Variants in RANBP2 observed in about 807,000 individuals in gnomAD.
The protein encoded by RANBP2 is RAN binding protein 2, also known as E3 SUMO-protein ligase RanBP2.
RANBP2 carries 57 observed loss-of-function variants against 303.6 expected under a neutral mutation model. The observed-to-expected ratio is 0.19, with a 90% confidence interval of 0.15 to 0.23. The LOEUF is 0.23. Ranked by LOEUF, RANBP2 falls within the 10% of genes least tolerant of loss-of-function variation. The pLI, the probability that RANBP2 is intolerant of heterozygous loss-of-function variation, is 1.00. For synonymous variants in RANBP2, 1,167 were observed against 1,301.5 expected, an observed-to-expected ratio of 0.90 and a Z score of 2.23; for missense variants, 3,138 against 3,780.8, an observed-to-expected ratio of 0.83 and a Z score of 4.46.
the RANBP2 span, among the ~76,000 whole-genome samples, chr2:109,657,714 G>GTTTTTTTTTTTTTTTTTTTTTTTTTTTT: frequency 1.2e-5 from 1 of 82,230 alleles, no homozygotes; most frequent in Non-Finnish European, 2.2e-5. Context: ...AATTAGCTGA[G>GTTTTTTTTTTTTTTTTTTTTTTTTTTTT]TTTTTTTTTT....
the RANBP2 span, among the ~76,000 whole-genome samples, chr2:108,799,186 A>G: frequency 2.0e-5 from 3 of 152,186 alleles, no homozygotes; most frequent in African/African-American, 7.2e-5. Flanking sequence ...CAGCATTCTT[A>G]TATGTCACAT....
the RANBP2 span, among the ~76,000 whole-genome samples, chr2:109,554,517 C>A: frequency 6.6e-6 from 1 of 152,090 alleles, no homozygotes; most frequent in Non-Finnish European, 1.5e-5. Flanking sequence ...CACACTCACA[C>A]CACCCCCACC....
At chr2:109,358,324 T>C in the RANBP2 span, among the ~76,000 whole-genome samples, 2,657 of 152,340 alleles carry the variant, frequency 0.017, 29 homozygotes, top group Non-Finnish European at 0.027. Flanking sequence ...GTTACTTCCA[T>C]GTTTGGGTAA....
At chr2:109,730,056 C>T in the RANBP2 span, among the ~76,000 whole-genome samples, 1 of 152,138 alleles carries the variant, frequency 6.6e-6, no homozygotes, top group African/African-American at 2.4e-5. Context: ...ACCTTTCTCC[C>T]TCAACACGTG....
At chr2:109,096,442 A>G in the RANBP2 span, among the ~76,000 whole-genome samples, 1 of 152,200 alleles carries the variant, frequency 6.6e-6, no homozygotes, top group Non-Finnish European at 1.5e-5. Flanking sequence ...TGTGTCTTTG[A>G]CTGTGGCTGC....
At chr2:109,401,683 C>T in the RANBP2 span, among the ~76,000 whole-genome samples, 5 of 152,200 alleles carry the variant, frequency 3.3e-5, no homozygotes, top group Non-Finnish European at 7.3e-5. Context: ...TCCCACAGGC[C>T]CCTGAGATGT....
At chr2:109,032,596 T>TG in the RANBP2 span, among the ~76,000 whole-genome samples, 2,524 of 151,664 alleles carry the variant, frequency 0.017, 76 homozygotes, top group African/African-American at 0.058. Context: ...TGGGGTGGGG[T>TG]GGGGGAGTCT....
the RANBP2 span, among the ~76,000 whole-genome samples, chr2:109,639,718 A>G: frequency 0.031 from 4,493 of 146,374 alleles, 83 homozygotes; most frequent in South Asian, 0.078. Flanking sequence ...ACAATACTAG[A>G]TTTTTTTTTT....
At chr2:109,464,377 T>A in the RANBP2 span, among the ~76,000 whole-genome samples, 226 of 152,350 alleles carry the variant, frequency 1.5e-3, no homozygotes, top group African/African-American at 5.3e-3. Context: ...TTTATGTATA[T>A]ACATCTACAT....
the RANBP2 span, among the ~76,000 whole-genome samples, chr2:109,078,247 GTATATATA>G: frequency 1.8e-5 from 1 of 56,418 alleles, no homozygotes; most frequent in Non-Finnish European, 3.3e-5. Context: ...TATATAGCGT[GTATATATA>G]TATATATAGC....
chr2:109,613,331 G>A, the RANBP2 span: 1 of 386,648 alleles, frequency 2.6e-6, no homozygotes, highest in Non-Finnish European at 4.6e-6. Flanking sequence ...AAACTTGGAC[G>A]ACCACACCAT....
the RANBP2 span, among the ~76,000 whole-genome samples, chr2:109,264,756 G>A: frequency 6.6e-6 from 1 of 152,142 alleles, no homozygotes; most frequent in African/African-American, 2.4e-5. Flanking sequence ...CCCACTGGGC[G>A]GGCATCTCAT....
chr2:109,418,655 A>G, the RANBP2 span, among the ~76,000 whole-genome samples: 1 of 152,144 alleles, frequency 6.6e-6, no homozygotes, highest in Non-Finnish European at 1.5e-5. Context: ...TCCTTACCTC[A>G]TATCTGCAAA....
At chr2:109,285,432 A>T in the RANBP2 span, among the ~76,000 whole-genome samples, 1 of 152,232 alleles carries the variant, frequency 6.6e-6, no homozygotes, top group African/African-American at 2.4e-5. Context: ...CTGATTCTCC[A>T]GTGCAGTGTG....
At chr2:109,177,553 G>T in the RANBP2 span, among the ~76,000 whole-genome samples, 2 of 152,162 alleles carry the variant, frequency 1.3e-5, no homozygotes, top group South Asian at 2.1e-4. Flanking sequence ...CTGCTCTGGG[G>T]GGGGGCACCA....
chr2:108,765,904 G>C lies in RANBP2; in HGVS notation c.5365G>C (p.Val1789Leu), dbSNP rs1418570184. ...CAGGAAAGGACAGTGGGATTGTAGT[G>C]TTTGCTGTGTACAAAATGAGAGTTC... ...FIRKGQWDCSVCCVQNESSSL... is the reference protein window; with the variant it reads ...FIRKGQWDCSLCCVQNESSSL... The change falls in exon 20 of 29, where the codon GTT (valine) becomes CTT (leucine). Residue 1789 changes from valine to leucine, a missense_variant. Physicochemically the swap from Val to Leu is conservative, Grantham distance 32. Around this residue, in one of 20 missense-constraint regions of RANBP2, gnomAD observed 348 missense variants for 360.4 expected, o/e 0.97. Coordinates refer to ENST00000283195, the MANE Select transcript of RANBP2 (RefSeq NM_006267.5). 6.2e-7 allele frequency: 1 copy of C among 1,614,166 alleles called. No homozygotes were observed. Among genetic ancestry groups the C allele is most frequent in the East Asian group, 2.2e-5 (1 of 44,888 alleles).
the RANBP2 span, among the ~76,000 whole-genome samples, chr2:109,229,969 C>T: frequency 1.1e-4 from 16 of 151,896 alleles, no homozygotes; most frequent in South Asian, 2.1e-4. Context: ...GGACTACAGG[C>T]GCACGCCAGT....
chr2:108,791,505 G>T, the RANBP2 span: 9 of 710,708 alleles, frequency 1.3e-5, no homozygotes, highest in Admixed American at 6.6e-5. Flanking sequence ...TCAATGATCA[G>T]TGACTGTTAG....
At chr2:109,553,336 G>A in the RANBP2 span, 9 of 986,054 alleles carry the variant, frequency 9.1e-6, no homozygotes, top group East Asian at 2.2e-4. Context: ...CCTAAGGTCA[G>A]GAGTCCAAGA....
Sources: allele counts gnomAD v4.1 joint callset (sites outside exome capture counted in the v4.1 genomes callset), GRCh38; gene constraint gnomAD v4.1.1; regional missense constraint gnomAD v4.1.1; transcripts MANE v1.5; gene names NCBI Gene and HGNC (gene_info 2026-07-23, HGNC 2026-07-21).